The following VWA8 variants were observed in gnomAD, a reference collection of about 807,000 sequenced individuals.
VWA8 encodes von Willebrand factor A domain containing 8.
Under a neutral mutation model 241.5 loss-of-function variants are expected in VWA8, and 221 were observed. The observed-to-expected ratio is 0.91, with a 90% CI of 0.82 to 1.02. VWA8 has a LOEUF of 1.02. Among genes scored for constraint, VWA8 ranks in the 50% least tolerant of loss-of-function variants. The probability of loss-of-function intolerance (pLI) is 0.00; values close to 1 mark genes in which losing one functional copy is unlikely to be tolerated. For missense variants in VWA8, 2,322 were observed against 2,328.7 expected, an observed-to-expected ratio of 1.00 and a Z score of 0.06; for synonymous variants, 852 against 827.1, an observed-to-expected ratio of 1.03 and a Z score of -0.52.
At chr13:41,729,963 G>A (rs2045469659) in intron 22 of VWA8, among the ~76,000 whole-genome samples, 1 of 151,956 alleles carries the variant, frequency 6.6e-6, no homozygotes, top group African/African-American at 2.4e-5. Flanking sequence ...TCCCATGGTA[G>A]TGATACCCAA....
chr13:41,629,298 G>C (rs908945438), intron 37 of VWA8, among the ~76,000 whole-genome samples: 1 of 152,034 alleles, frequency 6.6e-6, no homozygotes, highest in Non-Finnish European at 1.5e-5. Flanking sequence ...ACTTACCCAT[G>C]TAACAAACCT....
chr13:41,571,243 A>G (rs1268168275), intron 43 of VWA8, among the ~76,000 whole-genome samples: 3 of 151,030 alleles, frequency 2.0e-5, no homozygotes, highest in South Asian at 2.1e-4. Flanking sequence ...CTGCTTACCA[A>G]TGATATGATT....
chr13:41,920,946 T>C (rs563901203), intron 2 of VWA8, among the ~76,000 whole-genome samples: 1 of 152,320 alleles, frequency 6.6e-6, no homozygotes, highest in East Asian at 1.9e-4. Context: ...GAGGCCAGCA[T>C]CATCCTGATA....
intron 12 of VWA8, among the ~76,000 whole-genome samples, chr13:41,857,634 C>T (rs537093817): frequency 6.6e-6 from 1 of 152,130 alleles, no homozygotes; most frequent in East Asian, 1.9e-4. Context: ...AATAATATTA[C>T]AAATACTTAT....
chr13:41,697,940 C>T (rs1034651910), intron 29 of VWA8, among the ~76,000 whole-genome samples: 16 of 152,144 alleles, frequency 1.1e-4, no homozygotes, highest in African/African-American at 3.4e-4. Flanking sequence ...GATGAAGAGG[C>T]ATGTTTCTAG....
intron 21 of VWA8, among the ~76,000 whole-genome samples, chr13:41,747,964 G>A (rs1165020993): frequency 6.6e-6 from 1 of 152,180 alleles, no homozygotes; most frequent in East Asian, 1.9e-4. Flanking sequence ...GATCATGGTG[G>A]ATAAGCTTTT....
chr13:41,868,570 C>A (rs1873424916), intron 9 of VWA8, 93 bp from the exon 10 acceptor site: 3 of 1,379,908 alleles, frequency 2.2e-6, no homozygotes, highest in Non-Finnish European at 2.9e-6. Context: ...CAAGTGAAAT[C>A]CATTTTATAT....
chr13:41,756,084 G>A (rs2045693140), intron 21 of VWA8, among the ~76,000 whole-genome samples: 1 of 151,700 alleles, frequency 6.6e-6, no homozygotes, highest in African/African-American at 2.4e-5. Flanking sequence ...AAAACTGATT[G>A]AGAAGGCAAA....
chr13:41,872,580 T>A (rs1055675349), intron 9 of VWA8, among the ~76,000 whole-genome samples: 1 of 152,230 alleles, frequency 6.6e-6, no homozygotes, highest in Non-Finnish European at 1.5e-5. Context: ...TCCCCATTGC[T>A]TGTTTTTCTC....
At chr13:41,741,646 T>C (rs1416048839) in intron 21 of VWA8, among the ~76,000 whole-genome samples, 1 of 152,112 alleles carries the variant, frequency 6.6e-6, no homozygotes, top group African/African-American at 2.4e-5. Context: ...ATTGTAGGCA[T>C]GCAAAAAATG....
chr13:41,853,898 G>A (rs561304612), intron 12 of VWA8, among the ~76,000 whole-genome samples: 4 of 152,244 alleles, frequency 2.6e-5, no homozygotes, highest in East Asian at 3.9e-4. Flanking sequence ...GTTGAAAAGC[G>A]TGTTGTCCAT....
At chr13:41,733,601 T>G (rs887136056) in intron 21 of VWA8, among the ~76,000 whole-genome samples, 1 of 152,160 alleles carries the variant, frequency 6.6e-6, no homozygotes, top group Non-Finnish European at 1.5e-5. Context: ...TCTTCAGTTT[T>G]TTAGCAGAGA....
intron 21 of VWA8, among the ~76,000 whole-genome samples, chr13:41,757,048 G>A (rs573594254): frequency 2.0e-5 from 3 of 151,734 alleles, no homozygotes; most frequent in South Asian, 4.1e-4. Context: ...ATTCAAGTGA[G>A]AACTAGCAAA....
chr13:41,959,427 G>C (rs1593898504), intron 1 of VWA8, among the ~76,000 whole-genome samples: 1 of 87,026 alleles, frequency 1.1e-5, no homozygotes, highest in African/African-American at 4.4e-5. Context: ...AACAAATAAA[G>C]AACACACAAA....
At chr13:41,880,461 A>G (rs1874117547) in intron 9 of VWA8, among the ~76,000 whole-genome samples, 2 of 152,208 alleles carry the variant, frequency 1.3e-5, no homozygotes, top group South Asian at 4.1e-4. Context: ...CACTTAATAT[A>G]ACACTATTAT....
chr13:41,778,306 A>G (rs1868711532), intron 19 of VWA8, among the ~76,000 whole-genome samples: 1 of 152,154 alleles, frequency 6.6e-6, no homozygotes, highest in Non-Finnish European at 1.5e-5. Flanking sequence ...CAGAGTTTTT[A>G]ATAATTCAAC....
At chr13:41,629,312 C>T (rs978659389) in intron 37 of VWA8, among the ~76,000 whole-genome samples, 4 of 152,038 alleles carry the variant, frequency 2.6e-5, no homozygotes, top group Admixed American at 2.6e-4. Flanking sequence ...CAAACCTGCA[C>T]ATGTACCCTC....
intron 9 of VWA8, among the ~76,000 whole-genome samples, chr13:41,876,253 C>T (rs760618287): frequency 2.6e-5 from 4 of 152,064 alleles, no homozygotes; most frequent in Admixed American, 6.6e-5. Context: ...ACTCATACAA[C>T]ACATTCCTCA....
intron 35 of VWA8, among the ~76,000 whole-genome samples, chr13:41,683,608 C>A (rs1593695034): frequency 6.6e-6 from 1 of 152,068 alleles, no homozygotes; most frequent in East Asian, 1.9e-4. Context: ...GCTTAAGAAC[C>A]AATGTATGCT....
Sources: allele counts gnomAD v4.1 joint callset (sites outside exome capture counted in the v4.1 genomes callset), GRCh38; gene constraint gnomAD v4.1.1; transcripts MANE v1.5; gene names NCBI Gene and HGNC (gene_info 2026-07-23, HGNC 2026-07-21).